The following AMPD1 variants were observed in gnomAD, a reference collection of about 807,000 sequenced individuals.
AMPD1 encodes AMP deaminase 1.
A neutral mutation model predicts 82.9 loss-of-function variants in AMPD1; 74 were observed. That is an observed-to-expected ratio of 0.89 (90% CI 0.74 to 1.08). AMPD1 has a LOEUF of 1.08. Ranked by LOEUF, AMPD1 falls within the 50% of genes least tolerant of loss-of-function variation. The pLI, the probability that AMPD1 is intolerant of heterozygous loss-of-function variation, is 0.00. For synonymous variants in AMPD1, 333 were observed against 320.5 expected, an observed-to-expected ratio of 1.04 and a Z score of -0.42; for missense variants, 881 against 924.5, an observed-to-expected ratio of 0.95 and a Z score of 0.61.
intron 5 of AMPD1, among the ~76,000 whole-genome samples, chr1:114,683,655 T>G (rs1448193852): frequency 6.6e-6 from 1 of 152,092 alleles, no homozygotes; most frequent in Non-Finnish European, 1.5e-5. Flanking sequence ...GAGAATCGCT[T>G]GAACCCAGGA....
At position 114,680,300 on chromosome 1, in the gene AMPD1, G is replaced by A. The variant is rs569520455; in HGVS notation, c.726C>T (p.Asp242=). 167 of 1,614,074 alleles carry A rather than the reference G, an allele frequency of 1.0e-4. 3 individuals are homozygous for A. The South Asian group carries it at 1.2e-3, about 11-fold the overall frequency. The change falls in exon 6 of 16, where the codon GAC becomes GAT. Residue 242 remains aspartate (D), a synonymous_variant. Transcript: ENST00000520113. The part of the protein sequence containing the change: ...LPYPNLDTFL[D]DMNFLLALIA... ...TTAAAGCAAGTAAAAAATTCATATCGTCTAAGAAGGTGTCCAGATTTGGGT... is the reference window on the plus strand; with the variant it reads ...TTAAAGCAAGTAAAAAATTCATATCATCTAAGAAGGTGTCCAGATTTGGGT...
intron 5 of AMPD1, among the ~76,000 whole-genome samples, chr1:114,682,732 C>T (rs1658196722): frequency 1.3e-5 from 2 of 152,160 alleles, no homozygotes; most frequent in South Asian, 2.1e-4. Flanking sequence ...GCGCCCGCCA[C>T]CACGCCTGGC....
chr1:114,685,357 G>A lies in AMPD1; in HGVS notation c.382-993C>T, dbSNP rs1183253927. Reference sequence around the variant, plus strand: ...ACACAATGCCTAGCACAGAATAGATGCTCAATAAGACTGATTAAACTGAAT... The same window carrying A: ...ACACAATGCCTAGCACAGAATAGATACTCAATAAGACTGATTAAACTGAAT... On this transcript the variant is annotated intron_variant, in intron 4 of 15. Coordinates refer to ENST00000520113, the MANE Select transcript of AMPD1 (RefSeq NM_000036.3). Among the ~76,000 whole-genome samples the A allele has an allele frequency of 2.0e-5, 3 of 152,154 alleles. No homozygotes were observed. The East Asian group carries it at 5.8e-4, about 29-fold the overall frequency.
rs982156348 is a variant in AMPD1 at position 114,679,612 on chromosome 1, G to A, written c.864C>T (p.Asn288=). Residue 288 remains asparagine, a synonymous_variant, in exon 7 of 16, where the codon AAC becomes AAT. Coordinates refer to ENST00000520113, the MANE Select transcript of AMPD1 (RefSeq NM_000036.3). ...NEMDELKELK[N]NPHRDFYNCR... ...AGTTATAAAAATCTCGGTGGGGGTTGTTTTTCAGCTCCTTTAACTCGTCCA... is the reference window on the plus strand; with the variant it reads ...AGTTATAAAAATCTCGGTGGGGGTTATTTTTCAGCTCCTTTAACTCGTCCA... 4.3e-6 allele frequency: 7 copies of A among 1,613,906 alleles called. No individual in the cohort carries two copies. Among genetic ancestry groups the A allele is most frequent in the Middle Eastern group, 1.6e-4 (1 of 6,062 alleles).
chr1:114,683,120 C>T (rs1345021678), intron 5 of AMPD1: 2 of 447,028 alleles, frequency 4.5e-6, no homozygotes, highest in Non-Finnish European at 8.9e-6. Flanking sequence ...ACGTACTTAA[C>T]TTTCTACAAG....
chr1:114,674,166 A>G (rs1376257804), intron 13 of AMPD1, 84 bp from the exon 14 acceptor site: 1 of 1,312,684 alleles, frequency 7.6e-7, no homozygotes, highest in African/African-American at 1.5e-5. Context: ...GGTCTGCCTT[A>G]AGCTTCAGCT....
chr1:114,674,740 C>A lies in AMPD1; in HGVS notation c.1800+12G>T, dbSNP rs1308968337. ...TCCAATGTAAAAGTTAAGAAGAGAG[C>A]TTCCAACTCACCTTTTTTAAATTTA... On this transcript the variant is annotated intron_variant, in intron 13 of 15. Coordinates refer to ENST00000520113, the MANE Select transcript of AMPD1 (RefSeq NM_000036.3). 3.7e-6 allele frequency: 6 copies of A among 1,613,182 alleles called. No individual in the cohort carries two copies.
At chr1:114,689,587 A>G (rs1658447494) in intron 2 of AMPD1, among the ~76,000 whole-genome samples, 1 of 152,130 alleles carries the variant, frequency 6.6e-6, no homozygotes, top group Non-Finnish European at 1.5e-5. Context: ...GAGGGTGAGG[A>G]GAGTGGATCC....
intron 1 of AMPD1, 31 bp downstream of exon 1, chr1:114,695,419 A>G (rs1431217731): frequency 6.2e-7 from 1 of 1,612,152 alleles, no homozygotes; most frequent in Non-Finnish European, 8.5e-7. Flanking sequence ...AACAACAACA[A>G]CTGAGCTCTC....
rs1658017608 is a variant in AMPD1 at position 114,677,371 on chromosome 1, C to G, written c.1368G>C (p.Met456Ile). The G allele has an allele frequency of 6.2e-7, 1 of 1,610,134 alleles. No individual in the cohort carries two copies. Among genetic ancestry groups the G allele is most frequent in the Admixed American group, 1.7e-5 (1 of 59,412 alleles). ...NRIHCPNMTW[M>I]IQVPRIYDVF... The stretch of plus-strand genomic sequence containing the variant: ...CATACTAGATCCTGGGAACCTGGAT[C>G]ATCCATGTCATGTTGGGGCAGTGGA... Residue 456 changes from methionine to isoleucine, a missense_variant, in exon 10 of 16, where the codon ATG (methionine) becomes ATC (isoleucine). Met to Ile is a conservative substitution (Grantham distance 10). Around this residue, in one of 2 missense-constraint regions of AMPD1, gnomAD observed 783 missense variants for 786.4 expected, o/e 1.00. Transcript: ENST00000520113.
chr1:114,678,670 C>T, intron 7 of AMPD1, 143 bp from the exon 8 acceptor site: 1 of 818,202 alleles, frequency 1.2e-6, no homozygotes, highest in Non-Finnish European at 2.0e-6. Context: ...TGGAGGTGGT[C>T]CAGCAATAAA....
rs146543220 is a variant in AMPD1 at position 114,688,263 on chromosome 1, G to T, written c.215+298C>A. The stretch of plus-strand genomic sequence containing the variant: ...CTGCCTCAACCTCCCAGGTAGCTGG[G>T]ACTACAGGCATGCACCACAGTGCCT... On this transcript the variant is annotated intron_variant, in intron 3 of 15. Coordinates refer to ENST00000520113, the MANE Select transcript of AMPD1 (RefSeq NM_000036.3). Among the ~76,000 whole-genome samples, 441 of 152,256 alleles carry T rather than the reference G, an allele frequency of 2.9e-3. 2 individuals carry two copies. Among genetic ancestry groups the T allele is most frequent in the African/African-American group, 0.01 (418 of 41,552 alleles).
intron 6 of AMPD1, 66 bp downstream of exon 6, chr1:114,680,193 A>AT (rs1658113885): frequency 3.0e-6 from 4 of 1,331,072 alleles, no homozygotes; most frequent in Non-Finnish European, 4.3e-6. Context: ...CAGTAGAAGT[A>AT]GTACTAGTTG....
chr1:114,690,239 C>T (rs988247235), intron 2 of AMPD1, among the ~76,000 whole-genome samples: 1 of 152,194 alleles, frequency 6.6e-6, no homozygotes, highest in Non-Finnish European at 1.5e-5. Context: ...AATACTAATA[C>T]CTACCCAACC....
At chr1:114,687,736 GC>G (rs1658362776) in intron 3 of AMPD1, among the ~76,000 whole-genome samples, 1 of 152,136 alleles carries the variant, frequency 6.6e-6, no homozygotes. Flanking sequence ...GGGGGAGGCA[GC>G]AAGTATGCAT....
intron 3 of AMPD1, among the ~76,000 whole-genome samples, chr1:114,688,237 C>T (rs972376305): frequency 1.3e-5 from 2 of 152,152 alleles, no homozygotes; most frequent in African/African-American, 2.4e-5. Context: ...AAGCGATTCT[C>T]CTGCCTCAAC....
chr1:114,685,123 G>A (rs1658273034), intron 4 of AMPD1, among the ~76,000 whole-genome samples: 1 of 152,166 alleles, frequency 6.6e-6, no homozygotes, highest in African/African-American at 2.4e-5. Context: ...GTCCCCAGTA[G>A]TTTAAGGTCC....
At chr1:114,673,334 T>G in intron 15 of AMPD1, 62 bp from the exon 16 acceptor site, 1 of 1,579,008 alleles carries the variant, frequency 6.3e-7, no homozygotes, top group Non-Finnish European at 8.7e-7. Context: ...TAGACAATAA[T>G]TGCATTCTTT....
At position 114,676,121 on chromosome 1, in the gene AMPD1, C is replaced by T. The variant is rs1657974460; in HGVS notation, c.1389-118G>A. On this transcript the variant is annotated intron_variant, in intron 10 of 15. Transcript: ENST00000520113. The stretch of plus-strand genomic sequence containing the variant: ...ACAGGAAAAGACGTGGTATATCTAT[C>T]CTAGGTCCATGCTCCTCATACATTC... 4.1e-6 allele frequency: 5 copies of T among 1,205,802 alleles called. No homozygotes were observed. The Admixed American group carries it at 7.2e-5, about 17-fold the overall frequency. The allele number at this position is 1,205,802 out of a possible 1,614,324, so 74.7% of individuals were successfully genotyped here. A position where few individuals can be genotyped will look rare whatever the true frequency, so the allele number is the denominator to read the frequency against.
Sources: allele counts gnomAD v4.1 joint callset (sites outside exome capture counted in the v4.1 genomes callset), GRCh38; gene constraint gnomAD v4.1.1; regional missense constraint gnomAD v4.1.1; transcripts MANE v1.5; gene names NCBI Gene and HGNC (gene_info 2026-07-23, HGNC 2026-07-21).